The following TBC1D22A variants were observed in gnomAD, a reference collection of about 807,000 sequenced individuals.
The protein encoded by TBC1D22A is putative GTPase activator.
A neutral mutation model predicts 60.2 loss-of-function variants in TBC1D22A; 38 were observed. The observed-to-expected ratio is 0.63, with a 90% confidence interval of 0.49 to 0.83. TBC1D22A has a LOEUF of 0.83. Among genes scored for constraint, TBC1D22A ranks in the 40% least tolerant of loss-of-function variants. The pLI, the probability that TBC1D22A is intolerant of heterozygous loss-of-function variation, is 0.00. For missense variants in TBC1D22A, 628 were observed against 701.0 expected, an observed-to-expected ratio of 0.90 and a Z score of 1.18; for synonymous variants, 302 against 281.7, an observed-to-expected ratio of 1.07 and a Z score of -0.72.
intron 9 of TBC1D22A, among the ~76,000 whole-genome samples, chr22:46,993,897 G>A (rs2075029995): frequency 6.6e-6 from 1 of 152,160 alleles, no homozygotes; most frequent in Non-Finnish European, 1.5e-5. Context: ...GGAGCCAGGA[G>A]GGCCCAGACC....
intron 12 of TBC1D22A, among the ~76,000 whole-genome samples, chr22:47,149,876 G>A (rs1322933677): frequency 6.6e-6 from 1 of 152,188 alleles, no homozygotes; most frequent in Admixed American, 6.5e-5. Flanking sequence ...GGGCCTTTTG[G>A]CCTAGCCCTC....
chr22:47,065,001 T>C (rs920645984), intron 11 of TBC1D22A, among the ~76,000 whole-genome samples: 2 of 152,120 alleles, frequency 1.3e-5, no homozygotes, highest in African/African-American at 4.8e-5. Context: ...ATTTATTTTT[T>C]GAGACGGAGT....
At chr22:47,137,296 G>A (rs2066911166) in intron 12 of TBC1D22A, among the ~76,000 whole-genome samples, 1 of 152,192 alleles carries the variant, frequency 6.6e-6, no homozygotes, top group African/African-American at 2.4e-5. Flanking sequence ...AAAAATATTT[G>A]CTCTTCTCTG....
intron 12 of TBC1D22A, among the ~76,000 whole-genome samples, chr22:47,114,082 G>T (rs2065943958): frequency 1.3e-5 from 2 of 152,242 alleles, no homozygotes; most frequent in African/African-American, 4.8e-5. Context: ...TTCTGTGAGG[G>T]ATACATTGTG....
rs1034922309 is a variant in TBC1D22A at position 47,041,624 on chromosome 22, G to A, written c.1329+4426G>A. On this transcript the variant is annotated intron_variant, in intron 11 of 12. Transcript: ENST00000337137. ...ATGTTCTCTGCGGCGTCCTGGGCTCGGATGGAGGGCGTTTCTGCCCTAGTT... is the reference window on the plus strand; with the variant it reads ...ATGTTCTCTGCGGCGTCCTGGGCTCAGATGGAGGGCGTTTCTGCCCTAGTT... Among the ~76,000 whole-genome samples, 4 of 152,200 alleles carry A rather than the reference G, an allele frequency of 2.6e-5. No individual in the cohort carries two copies. The East Asian group carries it at 5.8e-4, about 22-fold the overall frequency.
chr22:46,884,852 T>C (rs935364136), intron 5 of TBC1D22A, among the ~76,000 whole-genome samples: 1 of 152,052 alleles, frequency 6.6e-6, no homozygotes, highest in Non-Finnish European at 1.5e-5. Context: ...TAAGGAACAT[T>C]TAAGCAGCGA....
chr22:47,067,040 C>T lies in TBC1D22A; in HGVS notation c.1329+29842C>T, dbSNP rs554598837. Reference sequence around the variant, plus strand: ...CAGCACTTTGGGAGGCTGAGACGGGCGGATCATTTGAGGTCAGGAGTTTGA... The same window carrying T: ...CAGCACTTTGGGAGGCTGAGACGGGTGGATCATTTGAGGTCAGGAGTTTGA... On this transcript the variant is annotated intron_variant, in intron 11 of 12. Transcript: ENST00000337137. Among the ~76,000 whole-genome samples the T allele has an allele frequency of 7.2e-5, 11 of 152,252 alleles. 1 individual carries two copies. Among genetic ancestry groups the T allele is most frequent in the African/African-American group, 2.4e-4 (10 of 41,554 alleles).
intron 11 of TBC1D22A, among the ~76,000 whole-genome samples, chr22:47,042,714 G>A (rs150976156): frequency 0.012 from 1,872 of 152,352 alleles, 18 homozygotes; most frequent in Middle Eastern, 0.02. Context: ...ACTGCTGAGA[G>A]GGGCCACACA....
chr22:46,812,972 G>T (rs1180176179), intron 4 of TBC1D22A, among the ~76,000 whole-genome samples: 1 of 152,018 alleles, frequency 6.6e-6, no homozygotes, highest in Non-Finnish European at 1.5e-5. Flanking sequence ...AGTCTGTCGT[G>T]TCCGGAGCTG....
rs751570253 is a variant in TBC1D22A, at chr22:47,173,657, TC to T, written c.*34del. On this transcript the variant is annotated 3_prime_UTR_variant, in exon 13 of 13. Transcript: ENST00000337137. ...GGCCCACCCGCAGCTGGCCTCACTG[TC>T]CCGGGTGGCGCGCCCCACCTGCCTG... The T allele has an allele frequency of 5.1e-4, 817 of 1,610,282 alleles. No individual in the cohort carries two copies. Among genetic ancestry groups the T allele is most frequent in the Non-Finnish European group, 6.1e-4 (719 of 1,177,664 alleles).
chr22:46,937,219 T>A (rs1267085886), intron 8 of TBC1D22A, among the ~76,000 whole-genome samples: 4 of 152,200 alleles, frequency 2.6e-5, no homozygotes, highest in African/African-American at 4.8e-5. Flanking sequence ...ATCTTATTTT[T>A]AAAAAATAGA....
intron 11 of TBC1D22A, among the ~76,000 whole-genome samples, chr22:47,060,257 T>G (rs865946231): frequency 2.5e-4 from 38 of 150,236 alleles, no homozygotes; most frequent in Middle Eastern, 3.4e-3. Flanking sequence ...TTTTTTTTTT[T>G]TTGAGATGGA....
chr22:47,011,245 G>GA (rs1187341757), intron 10 of TBC1D22A, among the ~76,000 whole-genome samples: 1 of 152,110 alleles, frequency 6.6e-6, no homozygotes, highest in Non-Finnish European at 1.5e-5. Flanking sequence ...GGGCTCAGGG[G>GA]ACTTGCCTGT....
rs991556319 is a variant in TBC1D22A, at chr22:47,017,469, A to T, written c.1202-19602A>T. Among the ~76,000 whole-genome samples the T allele has an allele frequency of 2.0e-5, 3 of 152,216 alleles. 1 individual carries two copies. Among genetic ancestry groups the T allele is most frequent in the South Asian group, 4.1e-4 (2 of 4,826 alleles). On this transcript the variant is annotated intron_variant, in intron 10 of 12. Transcript: ENST00000337137. The stretch of plus-strand genomic sequence containing the variant: ...TGGAGCTGGGCGTTGGGCAGGCGCC[A>T]TGATGGGGTTGGCGGCAGAATGCTG...
intron 12 of TBC1D22A, among the ~76,000 whole-genome samples, chr22:47,117,851 G>A (rs1009096259): frequency 1.3e-5 from 2 of 152,202 alleles, no homozygotes; most frequent in Admixed American, 1.3e-4. Context: ...GGCTGAGCAC[G>A]ATGGCTCTTG....
intron 1 of TBC1D22A, among the ~76,000 whole-genome samples, chr22:46,788,627 CA>C (rs2084270028): frequency 6.6e-6 from 1 of 152,240 alleles, no homozygotes; most frequent in Non-Finnish European, 1.5e-5. Context: ...GCACCCAGGA[CA>C]GTGCCTGCCT....
At chr22:47,075,962 A>G (rs1332248579) in intron 11 of TBC1D22A, among the ~76,000 whole-genome samples, 1 of 152,214 alleles carries the variant, frequency 6.6e-6, no homozygotes, top group East Asian at 1.9e-4. Context: ...TCTCTACAGG[A>G]TGATAAAATA....
At chr22:47,006,810 G>T (rs2061607666) in intron 10 of TBC1D22A, among the ~76,000 whole-genome samples, 1 of 152,142 alleles carries the variant, frequency 6.6e-6, no homozygotes, top group Non-Finnish European at 1.5e-5. Context: ...ACCCTTTCTT[G>T]CCCTTCTGCC....
At chr22:47,014,570 A>T (rs543252867) in intron 10 of TBC1D22A, among the ~76,000 whole-genome samples, 1 of 152,306 alleles carries the variant, frequency 6.6e-6, no homozygotes, top group African/African-American at 2.4e-5. Context: ...TGCCCCACCA[A>T]GCAGCCCCAT....
Sources: gnomAD v4.1 joint callset for allele counts (sites outside exome capture counted in the v4.1 genomes callset) on GRCh38, gnomAD v4.1.1 for gene constraint, MANE v1.5 for transcripts, NCBI Gene and HGNC (gene_info 2026-07-23, HGNC 2026-07-21) for gene names.